The following IGFLR1 variants were observed in gnomAD, a reference collection of about 807,000 sequenced individuals.
The protein encoded by IGFLR1 is IGF-like family receptor 1.
A neutral mutation model predicts 23.4 loss-of-function variants in IGFLR1; 17 were observed. The ratio of observed to expected loss-of-function variants is 0.73; its 90% CI spans 0.50 to 1.09. IGFLR1 has a LOEUF of 1.09. IGFLR1 is among the 50% of genes least tolerant of loss of function. The probability of loss-of-function intolerance (pLI) is 0.00; values close to 1 mark genes in which losing one functional copy is unlikely to be tolerated. For synonymous variants in IGFLR1, 265 were observed against 210.7 expected (o/e 1.26, Z -2.23); for missense variants, 556 against 459.2 (o/e 1.21, Z -1.93).
In IGFLR1 at chr19:35,741,133, C is replaced by A. The variant is rs1304896696; in HGVS notation, c.48G>T (p.Leu16=). ...CLLTALLLLA[L]APPPEASQYC... is the part of the protein sequence containing the mutation. Reference sequence around the variant, plus strand: ...ACTGGGAGGCTTCCGGCGGTGGCGCCAGGGCCAGAAGCAACAAGGCCGTCA... The same window carrying A: ...ACTGGGAGGCTTCCGGCGGTGGCGCAAGGGCCAGAAGCAACAAGGCCGTCA... The change falls in exon 2 of 5, where the codon CTG becomes CTT. Residue 16 remains leucine, a synonymous_variant. Coordinates refer to ENST00000246532, the MANE Select transcript of IGFLR1 (RefSeq NM_024660.4). The A allele has an allele frequency of 6.2e-7, 1 of 1,601,542 alleles. No homozygotes were observed. The highest frequency in any genetic ancestry group is 8.5e-7 in the Non-Finnish European group (1 of 1,172,066).
rs758563351 is a variant in IGFLR1 at position 35,739,992 on chromosome 19, A to C, written c.439T>G (p.Trp147Gly). The C allele has an allele frequency of 1.5e-5, 25 of 1,614,092 alleles. No homozygotes were observed. Among genetic ancestry groups the C allele is most frequent in the Non-Finnish European group, 2.1e-5 (25 of 1,179,994 alleles). ...TGAGGGACAGGCTCAGGGGTCCTCC[A>C]GGCAATGGAACTTGCTGGTGAGCTG... is the stretch of plus-strand genomic sequence containing the variant. ...ERSSPASSIA[W>G]RTPEPVPQQA... Residue 147 changes from tryptophan to glycine, a missense_variant, in exon 4 of 5, where the codon TGG becomes GGG. Transcript: ENST00000246532.
rs751798772 is a variant in IGFLR1 at position 35,740,139 on chromosome 19, C to T, written c.343-51G>A. The T allele has an allele frequency of 5.9e-6, 9 of 1,533,208 alleles. No homozygotes were observed. The African/African-American group carries it at 1.1e-4, about 19-fold the overall frequency. The allele number at this position is 1,533,208 out of a possible 1,614,324, so 95.0% of individuals were successfully genotyped here. ...CTGGAGGCCACACTCCACTCCTGCC[C>T]GCTCCCAAACCTCCCAACTTTATAT... On this transcript the variant is annotated intron_variant, in intron 3 of 4. Transcript: ENST00000246532.
In IGFLR1 at chr19:35,740,848, G is replaced by A. The variant is rs1397137917; in HGVS notation, c.157+176C>T. The A allele has an allele frequency of 1.3e-5, 9 of 676,322 alleles. No homozygotes were observed. In the Admixed American group the frequency reaches 1.5e-4, roughly 11 times the overall value. 41.9% of individuals were successfully genotyped at this position (676,322 alleles called of 1,614,324 possible). The stretch of plus-strand genomic sequence containing the variant: ...CCATATCCATTCGCTGTTGCCCTAC[G>A]GTAGCCCGCACTATCTGCACAGGCT... On this transcript the variant is annotated intron_variant, in intron 2 of 4. Transcript: ENST00000246532.
intron 3 of IGFLR1, 49 bp from the exon 4 acceptor site, chr19:35,740,137 C>T (rs570267134): frequency 1.4e-5 from 22 of 1,541,066 alleles, no homozygotes; most frequent in African/African-American, 4.1e-5. Flanking sequence ...TCCACTCCTG[C>T]CCGCTCCCAA....
Position 35,741,243 on chromosome 19 carries a change from C to A in IGFLR1, c.-43-20G>T. On this transcript the variant is annotated intron_variant, in intron 1 of 4. Transcript: ENST00000246532. ...CCTCTGCTACACTTTCCGGGGAAAT[C>A]GGGCAGAAGAAAGGACGCGGTGATG... 6.3e-7 allele frequency: 1 copy of A among 1,588,388 alleles called. No homozygotes were observed. Among genetic ancestry groups the A allele is most frequent in the South Asian group, 1.1e-5 (1 of 88,114 alleles).
At chr19:35,741,997 A>G (rs1970270127) in intron 1 of IGFLR1, among the ~76,000 whole-genome samples, 1 of 152,008 alleles carries the variant, frequency 6.6e-6, no homozygotes, top group Non-Finnish European at 1.5e-5. Flanking sequence ...TGTAAATCCC[A>G]GCTACTTGGG....
chr19:35,738,804 TC>T lies in IGFLR1; in HGVS notation c.*475del. On this transcript the variant is annotated 3_prime_UTR_variant, in exon 5 of 5. Transcript: ENST00000246532. The surrounding 1 kb of genome is among the most constrained non-coding windows in gnomAD (Gnocchi z 8.7). ...ACAAAGGTTTCTAAATCCCTTCTTT[TC>T]TATGCACTTTTTTATTTAAGAGGTG... is the stretch of plus-strand genomic sequence containing the variant. 5.5e-6 allele frequency: 3 copies of T among 542,058 alleles called. No individual in the cohort carries two copies. The highest frequency in any genetic ancestry group is 6.5e-6 in the Non-Finnish European group (2 of 309,416). The allele number at this position is 542,058 out of a possible 1,614,324, so 33.6% of individuals were successfully genotyped here. A position where few individuals can be genotyped will look rare whatever the true frequency, so the allele number is the denominator to read the frequency against.
At position 35,741,169 on chromosome 19, in the gene IGFLR1, T is replaced by A. The variant is rs1341003278; in HGVS notation, c.12A>T (p.Gly4=). Residue 4 remains glycine (G), a synonymous_variant, in exon 2 of 5, where the codon GGA becomes GGT. Coordinates refer to ENST00000246532, the MANE Select transcript of IGFLR1 (RefSeq NM_024660.4). Reference sequence around the variant, plus strand: ...GCAACAAGGCCGTCAGGAGGCATCGTCCAGGCCCCATCTGGGGGGCCGTGA... The same window carrying A: ...GCAACAAGGCCGTCAGGAGGCATCGACCAGGCCCCATCTGGGGGGCCGTGA... The part of the protein sequence containing the change: MGP[G]RCLLTALLLL... 1 of 1,610,066 alleles carries A rather than the reference T, an allele frequency of 6.2e-7. No individual in the cohort carries two copies.
At position 35,740,794 on chromosome 19, in the gene IGFLR1, T is replaced by A. The variant is rs1028707096; in HGVS notation, c.157+230A>T. 6.3e-6 allele frequency: 4 copies of A among 633,942 alleles called. No homozygotes were observed. The African/African-American group carries it at 7.4e-5, about 12-fold the overall frequency. 39.3% of individuals were successfully genotyped at this position (633,942 alleles called of 1,614,324 possible). On this transcript the variant is annotated intron_variant, in intron 2 of 4. Transcript: ENST00000246532. ...GCTTCTCTACATAAAGCCCACCCTT[T>A]CCACGCGGCCCCTATCCCGCCTCTC...
Position 35,741,124 on chromosome 19 carries a change from C to CG in IGFLR1, c.56dup (p.Pro20AlafsTer11). ...GGCCGCAGTACTGGGAGGCTTCCGGCGGTGGCGCCAGGGCCAGAAGCAACA... is the reference window on the plus strand; with the variant it reads ...GGCCGCAGTACTGGGAGGCTTCCGGCGGGTGGCGCCAGGGCCAGAAGCAACA... On this transcript the variant is annotated frameshift_variant, in exon 2 of 5. Transcript: ENST00000246532. LOFTEE classifies it high-confidence loss of function. The CG allele has an allele frequency of 6.3e-7, 1 of 1,599,912 alleles. No individual in the cohort carries two copies. The highest frequency in any genetic ancestry group is 8.5e-7 in the Non-Finnish European group (1 of 1,170,962).
At chr19:35,740,803 C>T (rs1193707686) in intron 2 of IGFLR1, 11 of 637,766 alleles carry the variant, frequency 1.7e-5, no homozygotes, top group East Asian at 1.1e-4. Context: ...TTCCACGCGG[C>T]CCCTATCCCG....
chr19:35,740,309 T>A, intron 3 of IGFLR1, 71 bp downstream of exon 3: 3 of 1,447,488 alleles, frequency 2.1e-6, no homozygotes, highest in Non-Finnish European at 2.7e-6. Context: ...TACGTGGGGC[T>A]ACGCCGGCTC....
intron 2 of IGFLR1, 161 bp downstream of exon 2, chr19:35,740,863 C>G: frequency 1.4e-6 from 1 of 710,302 alleles, no homozygotes; most frequent in Non-Finnish European, 2.3e-6. Flanking sequence ...CCCGCACTAT[C>G]TGCACAGGCT....
rs560160123 is a variant in IGFLR1 at position 35,742,424 on chromosome 19, G to A, written c.-72C>T. On this transcript the variant is annotated 5_prime_UTR_variant, in exon 1 of 5. The change creates a new upstream start codon in the 5' untranslated region. Transcript: ENST00000246532. ...TAGGGTCCTGGGTCCCAAGCTGGCC[G>A]TGCCAAGTTCCTCAGCTGAAGTTGT... is the stretch of plus-strand genomic sequence containing the variant. The A allele has an allele frequency of 1.7e-4, 256 of 1,534,700 alleles. No individual in the cohort carries two copies. The highest frequency in any genetic ancestry group is 4.9e-4 in the East Asian group (20 of 40,856).
In IGFLR1 at chr19:35,739,755, C is replaced by CT; in HGVS notation, c.675dup (p.Gly226ArgfsTer31). 6.4e-7 allele frequency: 1 copy of CT among 1,555,312 alleles called. No homozygotes were observed. The highest frequency in any genetic ancestry group is 8.7e-7 in the Non-Finnish European group (1 of 1,147,612). On this transcript the variant is annotated frameshift_variant, in exon 4 of 5. Transcript: ENST00000246532. LOFTEE classifies it low-confidence loss of function (END_TRUNC). ...AGTGAGGCCTCCTTCCATGTGTCCC[C>CT]TGTCTCCAGGGCGCCTGGGGAGGAC...
At chr19:35,740,806 C>T (rs1033640908) in intron 2 of IGFLR1, 1 of 640,748 alleles carries the variant, frequency 1.6e-6, no homozygotes, top group Middle Eastern at 4.3e-4. Flanking sequence ...CACGCGGCCC[C>T]TATCCCGCCT....
Position 35,741,235 on chromosome 19 carries a change from G to T in IGFLR1, c.-43-12C>A. On this transcript the variant is annotated splice_polypyrimidine_tract_variant and intron_variant, in intron 1 of 4. Transcript: ENST00000246532. ...ACACAGCGCCTCTGCTACACTTTCC[G>T]GGGAAATCGGGCAGAAGAAAGGACG... is the stretch of plus-strand genomic sequence containing the variant. 6.3e-7 allele frequency: 1 copy of T among 1,593,322 alleles called. No homozygotes were observed. Among genetic ancestry groups the T allele is most frequent in the Non-Finnish European group, 8.5e-7 (1 of 1,173,726 alleles).
In IGFLR1 at chr19:35,740,425, AG is replaced by A; in HGVS notation, c.296del (p.Pro99LeufsTer73). Reference protein sequence around the residue: ...CSPCGGGAVTPTPAAGGGRTP... With the variant: ...CSPCGGGAVTXTPAAGGGRTP... ...TTCTGCCCCCGCCCGCGGCGGGAGT[AG>A]GGGTCACGGCTCCGCCGCCGCAGGG... On this transcript the variant is annotated frameshift_variant, in exon 3 of 5. Coordinates refer to ENST00000246532, the MANE Select transcript of IGFLR1 (RefSeq NM_024660.4). LOFTEE classifies it high-confidence loss of function. 2.5e-6 allele frequency: 4 copies of A among 1,610,344 alleles called. No individual in the cohort carries two copies. Among genetic ancestry groups the A allele is most frequent in the Non-Finnish European group, 3.4e-6 (4 of 1,178,600 alleles).
In IGFLR1 at chr19:35,739,057, CTG is replaced by C. The variant is rs562281257; in HGVS notation, c.*221_*222del. Reference sequence around the variant, plus strand: ...CAGAACAACACAACACAGCAACTGTCTGTAGCAGGGTTGTTTCCCAGAGGGGA... The same window carrying C: ...CAGAACAACACAACACAGCAACTGTCTAGCAGGGTTGTTTCCCAGAGGGGA... On this transcript the variant is annotated 3_prime_UTR_variant, in exon 5 of 5. Coordinates refer to ENST00000246532, the MANE Select transcript of IGFLR1 (RefSeq NM_024660.4). 1.3e-4 allele frequency: 76 copies of C among 576,086 alleles called. 1 individual carries two copies. In the South Asian group the frequency reaches 1.7e-3, roughly 13 times the overall value. The allele number at this position is 576,086 out of a possible 1,614,324, so 35.7% of individuals were successfully genotyped here. A position where few individuals can be genotyped will look rare whatever the true frequency, so the allele number is the denominator to read the frequency against.
Sources: gnomAD v4.1 joint callset for allele counts (sites outside exome capture counted in the v4.1 genomes callset) on GRCh38, gnomAD v4.1.1 for gene constraint, Gnocchi (gnomAD v3.1) non-coding constraint, MANE v1.5 for transcripts, NCBI Gene and HGNC (gene_info 2026-07-23, HGNC 2026-07-21) for gene names.